The following CCDC88A variants were observed in gnomAD, a reference collection of about 807,000 sequenced individuals.
CCDC88A encodes girdin.
In CCDC88A, 54 loss-of-function variants were observed where a neutral mutation model predicts 234.3. The observed-to-expected ratio is 0.23, with a 90% CI of 0.19 to 0.29. The LOEUF (loss-of-function observed/expected upper bound fraction) is 0.29. CCDC88A is among the 10% of genes least tolerant of loss of function. The probability of loss-of-function intolerance (pLI) is 1.00; values close to 1 mark genes in which losing one functional copy is unlikely to be tolerated. For missense variants in CCDC88A, 1,832 were observed against 2,123.4 expected (o/e 0.86, Z 2.70); for synonymous variants, 753 against 737.8 (o/e 1.02, Z -0.33).
chr2:55,375,236 T>A (rs7579449), intron 3 of CCDC88A, among the ~76,000 whole-genome samples: 1 of 151,944 alleles, frequency 6.6e-6, no homozygotes, highest in East Asian at 1.9e-4. Context: ...AAAAAAGCTT[T>A]AAAAATATCA....
chr2:55,386,827 G>C (rs1444579553), intron 3 of CCDC88A, among the ~76,000 whole-genome samples: 1 of 151,968 alleles, frequency 6.6e-6, no homozygotes, highest in Non-Finnish European at 1.5e-5. Context: ...AAAAACAAGA[G>C]TGAAATAAAG....
chr2:55,341,533 C>G (rs550500253), intron 12 of CCDC88A, among the ~76,000 whole-genome samples: 3 of 151,526 alleles, frequency 2.0e-5, no homozygotes, highest in Non-Finnish European at 4.4e-5. Flanking sequence ...CAACTTCTGC[C>G]TCACGGGTTC....
In CCDC88A at chr2:55,339,511, A is replaced by C. The variant is rs1668212612; in HGVS notation, c.1471T>G (p.Ser491Ala). ...TCTTTTTCCATTTTCAGGATTTTGG[A>C]AGCATTGCCTTCTACAGAATCCACA... ...TTVDSVEGNA[S>A]KILKMEKENQ... Residue 491 changes from serine (S) to alanine (A), a missense_variant, in exon 13 of 33, where the codon TCC becomes GCC. Around this residue, in one of 6 missense-constraint regions of CCDC88A, gnomAD observed 1,282 missense variants for 1,543.6 expected, o/e 0.83. Transcript: ENST00000436346. 1 of 1,600,210 alleles carries C rather than the reference A, an allele frequency of 6.2e-7. No homozygotes were observed. Among genetic ancestry groups the C allele is most frequent in the African/African-American group, 1.3e-5 (1 of 74,084 alleles).
intron 16 of CCDC88A, among the ~76,000 whole-genome samples, chr2:55,330,599 T>G (rs72923158): frequency 0.074 from 10,819 of 146,118 alleles, 1,212 homozygotes; most frequent in African/African-American, 0.25. Context: ...AGTTTCTGGG[T>G]TTTTTTTGTG....
intron 2 of CCDC88A, among the ~76,000 whole-genome samples, chr2:55,408,538 T>G (rs1424860538): frequency 1.3e-5 from 2 of 152,118 alleles, no homozygotes; most frequent in East Asian, 3.8e-4. Flanking sequence ...GTCCTCTGGT[T>G]GTCCTCACTG....
In CCDC88A at chr2:55,301,291, C is replaced by G. The variant is rs764599282; in HGVS notation, c.4673-14G>C. 2.2e-6 allele frequency: 3 copies of G among 1,353,796 alleles called. No homozygotes were observed. Among genetic ancestry groups the G allele is most frequent in the Non-Finnish European group, 3.1e-6 (3 of 968,818 alleles). The allele number at this position is 1,353,796 out of a possible 1,614,324, so 83.9% of individuals were successfully genotyped here. A position where few individuals can be genotyped will look rare whatever the true frequency, so the allele number is the denominator to read the frequency against. ...AGGATGTAGTATCTACATAAAATAGCAAAATGGATATAAAGATATTTTTGT... is the reference window on the plus strand; with the variant it reads ...AGGATGTAGTATCTACATAAAATAGGAAAATGGATATAAAGATATTTTTGT... On this transcript the variant is annotated splice_polypyrimidine_tract_variant and intron_variant, in intron 27 of 32. Transcript: ENST00000436346.
At chr2:55,341,117 G>A (rs13404664) in intron 12 of CCDC88A, among the ~76,000 whole-genome samples, 3,152 of 138,934 alleles carry the variant, frequency 0.023, 122 homozygotes, top group African/African-American at 0.078. Context: ...CATCCATATT[G>A]TTGCAAATGA....
intron 5 of CCDC88A, among the ~76,000 whole-genome samples, chr2:55,368,588 T>C (rs1672358300): frequency 6.6e-6 from 1 of 151,914 alleles, no homozygotes; most frequent in Non-Finnish European, 1.5e-5. Flanking sequence ...CCTCCCATAG[T>C]GCTGAGATTA....
rs553376094 is a variant in CCDC88A, at chr2:55,409,327, T to C, written c.164+9489A>G. Among the ~76,000 whole-genome samples the C allele has an allele frequency of 2.0e-5, 3 of 152,344 alleles. No individual in the cohort carries two copies. The East Asian group carries it at 5.8e-4, about 29-fold the overall frequency. ...CACTACTTATGACTCCTGTTCACTC[T>C]GATTTCTCCTACGGAGCTCTCATGT... On this transcript the variant is annotated intron_variant, in intron 2 of 32. Transcript: ENST00000436346.
intron 3 of CCDC88A, among the ~76,000 whole-genome samples, chr2:55,384,727 G>A (rs989863896): frequency 1.3e-5 from 2 of 149,988 alleles, no homozygotes; most frequent in South Asian, 2.1e-4. Flanking sequence ...TGTGATCTCC[G>A]CTTACTGTAA....
intron 29 of CCDC88A, among the ~76,000 whole-genome samples, chr2:55,297,323 A>AATT (rs1680199947): frequency 1.6e-5 from 1 of 61,486 alleles, no homozygotes; most frequent in Non-Finnish European, 3.2e-5. Context: ...TAAATATATA[A>AATT]TATATAATAT....
In CCDC88A at chr2:55,317,881, G is replaced by A. The variant is rs777024396; in HGVS notation, c.3325-40C>T. 6 of 1,347,558 alleles carry A rather than the reference G, an allele frequency of 4.5e-6. No homozygotes were observed. The highest frequency in any genetic ancestry group is 5.1e-6 in the Non-Finnish European group (5 of 987,650). 83.5% of individuals were successfully genotyped at this position (1,347,558 alleles called of 1,614,324 possible). ...ATTGTTATCAGACATAAGAAAAACA[G>A]TTCATGTTCTTTTTCAAAATACAAG... On this transcript the variant is annotated intron_variant, in intron 19 of 32. Transcript: ENST00000436346. The surrounding 1 kb of genome is among the most constrained non-coding windows in gnomAD (Gnocchi z 4.2).
chr2:55,299,173 C>A (rs1252120305), intron 29 of CCDC88A, among the ~76,000 whole-genome samples: 8 of 152,110 alleles, frequency 5.3e-5, no homozygotes, highest in Non-Finnish European at 8.8e-5. Flanking sequence ...CACTGCACTC[C>A]AGCCTGGGCG....
chr2:55,317,967 T>C lies in CCDC88A; in HGVS notation c.3325-126A>G. On this transcript the variant is annotated intron_variant, in intron 19 of 32. Coordinates refer to ENST00000436346, the MANE Select transcript of CCDC88A (RefSeq NM_001365480.1). The surrounding 1 kb of genome is among the most constrained non-coding windows in gnomAD (Gnocchi z 4.2). ...CACAGCACACATATTTACATTATAC[T>C]GGGAAGACGTGGATTTTAGCTTCCC... The C allele has an allele frequency of 1.5e-6, 1 of 662,956 alleles. No homozygotes were observed. Among genetic ancestry groups the C allele is most frequent in the Non-Finnish European group, 2.4e-6 (1 of 409,016 alleles). The allele number at this position is 662,956 out of a possible 1,614,324, so 41.1% of individuals were successfully genotyped here. A position where few individuals can be genotyped will look rare whatever the true frequency, so the allele number is the denominator to read the frequency against.
chr2:55,365,007 G>A (rs1671769744), intron 5 of CCDC88A, among the ~76,000 whole-genome samples: 1 of 152,178 alleles, frequency 6.6e-6, no homozygotes, highest in East Asian at 1.9e-4. Context: ...AAACTTATAA[G>A]GCTCTGATTT....
intron 25 of CCDC88A, among the ~76,000 whole-genome samples, chr2:55,305,826 G>A (rs534206766): frequency 5.9e-5 from 9 of 151,728 alleles, no homozygotes; most frequent in African/African-American, 1.9e-4. Flanking sequence ...ACACCACTGC[G>A]CTCCAGCTTG....
intron 2 of CCDC88A, chr2:55,404,289 A>G (rs567194966): frequency 2.0e-4 from 31 of 152,308 alleles, no homozygotes; most frequent in Non-Finnish European, 4.1e-4. Flanking sequence ...TTGGTAAGAA[A>G]ATCTTTTTTC....
At chr2:55,326,004 A>T (rs1156747107) in intron 17 of CCDC88A, among the ~76,000 whole-genome samples, 1 of 152,192 alleles carries the variant, frequency 6.6e-6, no homozygotes, top group Admixed American at 6.5e-5. Context: ...GATAGGTAGC[A>T]TATAGATGGG....
chr2:55,413,723 TG>T (rs2104995698), intron 2 of CCDC88A, among the ~76,000 whole-genome samples: 1 of 152,092 alleles, frequency 6.6e-6, no homozygotes, highest in South Asian at 2.1e-4. Flanking sequence ...CCCAGAACTT[TG>T]GGAGGCTGAG....
Sources: gnomAD v4.1 joint callset for allele counts (sites outside exome capture counted in the v4.1 genomes callset) on GRCh38, gnomAD v4.1.1 for gene constraint, gnomAD v4.1.1 regional missense constraint, Gnocchi (gnomAD v3.1) non-coding constraint, MANE v1.5 for transcripts, NCBI Gene and HGNC (gene_info 2026-07-23, HGNC 2026-07-21) for gene names.